TANC1: variants seen among roughly 807,000 people sequenced by gnomAD.
TANC1 encodes tetratricopeptide repeat, ankyrin repeat and coiled-coil containing 1.
Under a neutral mutation model 149.7 loss-of-function variants are expected in TANC1, and 77 were observed. The observed-to-expected ratio is 0.51, with a 90% CI of 0.43 to 0.62. The LOEUF (loss-of-function observed/expected upper bound fraction) is 0.62, where lower values mean the gene tolerates loss of function less well. TANC1 is among the 20% of genes least tolerant of loss of function. TANC1 has a pLI of 0.00. For missense variants in TANC1, 1,985 were observed against 2,321.8 expected (o/e 0.85, Z 2.98); for synonymous variants, 854 against 925.0 (o/e 0.92, Z 1.39).
intron 4 of TANC1, among the ~76,000 whole-genome samples, chr2:159,102,031 A>G (rs540421670): frequency 6.6e-6 from 1 of 152,248 alleles, no homozygotes; most frequent in African/African-American, 2.4e-5. Flanking sequence ...TTGTTAAGGG[A>G]AAAACCACTA....
intron 14 of TANC1, among the ~76,000 whole-genome samples, chr2:159,181,442 C>T (rs376349397): frequency 3.3e-5 from 5 of 152,050 alleles, no homozygotes; most frequent in South Asian, 2.1e-4. Flanking sequence ...GGACTACAGG[C>T]GCCCGCCACC....
intron 1 of TANC1, among the ~76,000 whole-genome samples, chr2:158,988,295 C>T (rs1209542125): frequency 6.7e-6 from 1 of 149,598 alleles, no homozygotes; most frequent in East Asian, 2.0e-4. Context: ...CCACTGTACT[C>T]CAGCCTGGGT....
chr2:158,973,323 A>G lies in TANC1; in HGVS notation c.-126+4541A>G, dbSNP rs112925623. ...GCACACCTAGGGTTACGTGCCAGTC[A>G]TGAACAGTGGCTTATTACCTCTTTG... is the stretch of plus-strand genomic sequence containing the variant. On this transcript the variant is annotated intron_variant, in intron 1 of 26. Transcript: ENST00000263635. Among the ~76,000 whole-genome samples the G allele has an allele frequency of 8.3e-3, 1,262 of 152,312 alleles. 20 individuals carry two copies. Among genetic ancestry groups the G allele is most frequent in the South Asian group, 0.042 (200 of 4,818 alleles).
intron 11 of TANC1, 41 bp downstream of exon 11, chr2:159,172,313 A>AT (rs1418241381): frequency 6.3e-7 from 1 of 1,591,412 alleles, no homozygotes; most frequent in African/African-American, 1.3e-5. Flanking sequence ...ACATAGAGAG[A>AT]TTTGCTGGTT....
At chr2:159,176,263 C>T (rs2150520237) in intron 12 of TANC1, 89 bp from the exon 13 acceptor site, 1 of 680,862 alleles carries the variant, frequency 1.5e-6, no homozygotes, top group Non-Finnish European at 2.4e-6. Flanking sequence ...TAGTTTCTAA[C>T]ACTAAACTGG....
At chr2:158,983,510 T>C (rs979065186) in intron 1 of TANC1, among the ~76,000 whole-genome samples, 7 of 141,840 alleles carry the variant, frequency 4.9e-5, no homozygotes, top group African/African-American at 1.9e-4. Flanking sequence ...AACAAAAAAG[T>C]AGTATTTTAT....
At chr2:159,136,788 C>CAA (rs34488237) in intron 5 of TANC1, among the ~76,000 whole-genome samples, 25,923 of 118,676 alleles carry the variant, frequency 0.22, 3,344 homozygotes, top group Non-Finnish European at 0.32. Flanking sequence ...GAAGTAGGAG[C>CAA]AAAAAAAAAA....
chr2:159,126,321 T>C (rs2049449954), intron 4 of TANC1, among the ~76,000 whole-genome samples: 1 of 152,202 alleles, frequency 6.6e-6, no homozygotes, highest in African/African-American at 2.4e-5. Context: ...TGGGGCCATT[T>C]ACTTATCAAA....
chr2:159,123,480 C>T (rs1396006178), intron 4 of TANC1, among the ~76,000 whole-genome samples: 61 of 152,086 alleles, frequency 4.0e-4, no homozygotes, highest in Non-Finnish European at 1.0e-4. Flanking sequence ...GACCCACGCT[C>T]CCCTCACCCC....
chr2:159,063,654 G>A (rs1007160580), intron 2 of TANC1, among the ~76,000 whole-genome samples: 3 of 152,220 alleles, frequency 2.0e-5, no homozygotes, highest in South Asian at 2.1e-4. Context: ...TATTTACCTC[G>A]AGTTGCTATT....
intron 4 of TANC1, among the ~76,000 whole-genome samples, 172 bp from the exon 5 acceptor site, chr2:159,136,002 TTGTGTGTGTGTGTGTGTGTG>T (rs754052800): frequency 7.1e-4 from 76 of 107,758 alleles, no homozygotes; most frequent in Non-Finnish European, 1.0e-3. Flanking sequence ...TACTGAAATT[TTGTGTGTGTGTGTGTGTGTG>T]TGTGTGTGTG....
At chr2:159,053,278 G>GAA (rs767897331) in intron 2 of TANC1, among the ~76,000 whole-genome samples, 5 of 142,934 alleles carry the variant, frequency 3.5e-5, no homozygotes, top group Admixed American at 6.9e-5. Flanking sequence ...GAGCTTAAGG[G>GAA]AAAAAAAAAA....
chr2:159,102,666 T>G (rs34036348), intron 4 of TANC1, among the ~76,000 whole-genome samples: 8,743 of 87,426 alleles, frequency 0.1, 572 homozygotes, highest in Admixed American at 0.14. Context: ...CATTGTTTCA[T>G]TATTTTATAA....
chr2:159,077,200 G>A (rs1249757797), intron 3 of TANC1, among the ~76,000 whole-genome samples: 1 of 151,498 alleles, frequency 6.6e-6, no homozygotes, highest in Non-Finnish European at 1.5e-5. Context: ...TGCGCTACAG[G>A]CGTGCAGCTC....
At chr2:159,025,635 T>C (rs1559145116) in intron 2 of TANC1, among the ~76,000 whole-genome samples, 1 of 152,136 alleles carries the variant, frequency 6.6e-6, no homozygotes, top group Non-Finnish European at 1.5e-5. Context: ...TCTAAGGGAT[T>C]CCTTTTTTTT....
rs766464596 is a variant in TANC1 at position 159,230,910 on chromosome 2, G to C, written c.5484G>C (p.Gln1828His). The C allele has an allele frequency of 3.7e-6, 6 of 1,614,050 alleles. No individual in the cohort carries two copies. Among genetic ancestry groups the C allele is most frequent in the Non-Finnish European group, 5.1e-6 (6 of 1,180,044 alleles). The change falls in exon 27 of 27, where the codon CAG becomes CAC. Residue 1828 changes from glutamine (Q) to histidine (H), a missense_variant. This residue lies in a region of TANC1 where 920 missense variants were observed against 994.7 expected (regional missense o/e 0.92). Coordinates refer to ENST00000263635, the MANE Select transcript of TANC1 (RefSeq NM_033394.3). The surrounding 1 kb of genome is among the most constrained non-coding windows in gnomAD (Gnocchi z 4.4). ...RITKTVSHLY[Q>H]ESISKQQPHI... ...CTAAGACTGTTTCTCATCTGTACCA[G>C]GAAAGTATCTCCAAACAGCAGCCTC...
intron 4 of TANC1, among the ~76,000 whole-genome samples, chr2:159,106,955 A>G (rs949814363): frequency 2.0e-5 from 3 of 152,188 alleles, no homozygotes; most frequent in African/African-American, 7.2e-5. Context: ...ATGATTTACA[A>G]GTATTTTCTT....
At chr2:159,212,330 T>C (rs2059042446) in intron 19 of TANC1, among the ~76,000 whole-genome samples, 1 of 152,140 alleles carries the variant, frequency 6.6e-6, no homozygotes, top group African/African-American at 2.4e-5. Flanking sequence ...GTTCCTTGCC[T>C]AGAGGAAAAT....
At chr2:159,110,361 C>T (rs1474689267) in intron 4 of TANC1, among the ~76,000 whole-genome samples, 1 of 152,234 alleles carries the variant, frequency 6.6e-6, no homozygotes, top group Non-Finnish European at 1.5e-5. Flanking sequence ...CACTGCTGTA[C>T]AGTGAGTAGG....
Sources: allele counts gnomAD v4.1 joint callset (sites outside exome capture counted in the v4.1 genomes callset), GRCh38; gene constraint gnomAD v4.1.1; regional missense constraint gnomAD v4.1.1; non-coding constraint Gnocchi (gnomAD v3.1); transcripts MANE v1.5; gene names NCBI Gene and HGNC (gene_info 2026-07-23, HGNC 2026-07-21).